TRIM9: variants seen among roughly 807,000 people sequenced by gnomAD.
The protein encoded by TRIM9 is tripartite motif containing 9.
Under a neutral mutation model 78.3 loss-of-function variants are expected in TRIM9, and 26 were observed. The ratio of observed to expected loss-of-function variants is 0.33; its 90% CI spans 0.24 to 0.46. The LOEUF (loss-of-function observed/expected upper bound fraction) is 0.46, where lower values mean the gene tolerates loss of function less well. TRIM9 is among the 20% of genes least tolerant of loss of function. The pLI is 1.00. For synonymous variants in TRIM9, 398 were observed against 416.5 expected, an observed-to-expected ratio of 0.96 and a Z score of 0.54; for missense variants, 787 against 1,036.4, an observed-to-expected ratio of 0.76 and a Z score of 3.30.
intron 1 of TRIM9, among the ~76,000 whole-genome samples, chr14:51,086,324 T>C (rs1240151426): frequency 6.6e-6 from 1 of 151,350 alleles, no homozygotes; most frequent in Admixed American, 6.7e-5. Flanking sequence ...CAGGAAGATG[T>C]GTGGATTATG....
intron 1 of TRIM9, among the ~76,000 whole-genome samples, chr14:51,027,953 G>T (rs1476837923): frequency 6.6e-6 from 1 of 152,018 alleles, no homozygotes; most frequent in Non-Finnish European, 1.5e-5. Context: ...AAGTAAAATT[G>T]ATTTGGTTAC....
At chr14:51,067,828 C>T (rs974054258) in intron 1 of TRIM9, among the ~76,000 whole-genome samples, 3 of 151,536 alleles carry the variant, frequency 2.0e-5, no homozygotes, top group African/African-American at 7.3e-5. Flanking sequence ...TACTTTTCCT[C>T]ACAGCACCAG....
intron 1 of TRIM9, among the ~76,000 whole-genome samples, chr14:51,044,940 T>A (rs1264975736): frequency 6.6e-6 from 1 of 152,216 alleles, no homozygotes; most frequent in East Asian, 1.9e-4. Flanking sequence ...AACATCAGCC[T>A]AATATTATAG....
chr14:50,975,362 C>T lies in TRIM9; in HGVS notation c.*1929G>A, dbSNP rs565098441. ...TGTAATTGCAATTCAGTGTAAACTA[C>T]ATGTTACAAGTCACTAGAAATCTAA... On this transcript the variant is annotated 3_prime_UTR_variant, in exon 13 of 13. Transcript: ENST00000684578. 6.5e-6 allele frequency: 1 copy of T among 152,744 alleles called. No individual in the cohort carries two copies. The highest frequency in any genetic ancestry group is 1.5e-5 in the Non-Finnish European group (1 of 68,030). 9.5% of individuals were successfully genotyped at this position (152,744 alleles called of 1,614,324 possible). A position where few individuals can be genotyped will look rare whatever the true frequency, so the allele number is the denominator to read the frequency against.
chr14:51,018,285 G>T (rs765899325), intron 3 of TRIM9, among the ~76,000 whole-genome samples: 10 of 150,680 alleles, frequency 6.6e-5, no homozygotes, highest in Admixed American at 5.3e-4. Flanking sequence ...CTGCCTGCCT[G>T]CCTTCCTTCC....
chr14:51,087,940 A>G (rs1306663266), intron 1 of TRIM9, among the ~76,000 whole-genome samples: 1 of 152,242 alleles, frequency 6.6e-6, no homozygotes, highest in Non-Finnish European at 1.5e-5. Context: ...AAATTATATT[A>G]CATTAATATT....
intron 1 of TRIM9, among the ~76,000 whole-genome samples, chr14:51,056,769 C>CA (rs1385716054): frequency 6.6e-6 from 1 of 152,218 alleles, no homozygotes; most frequent in Non-Finnish European, 1.5e-5. Flanking sequence ...TTCTGTCTGA[C>CA]AGTTTTTCTT....
At chr14:50,984,937 A>G (rs954236189) in intron 8 of TRIM9, among the ~76,000 whole-genome samples, 6 of 152,202 alleles carry the variant, frequency 3.9e-5, no homozygotes, top group Admixed American at 6.5e-5. Flanking sequence ...ACAAAGAAGA[A>G]TGTCATTTTA....
At chr14:51,037,599 A>G (rs1017626750) in intron 1 of TRIM9, among the ~76,000 whole-genome samples, 14 of 152,006 alleles carry the variant, frequency 9.2e-5, no homozygotes, top group African/African-American at 3.4e-4. Flanking sequence ...CAATAATTTC[A>G]GGGTGTCTTT....
At chr14:51,051,441 A>T (rs1566617240) in intron 1 of TRIM9, among the ~76,000 whole-genome samples, 1 of 152,192 alleles carries the variant, frequency 6.6e-6, no homozygotes, top group Non-Finnish European at 1.5e-5. Flanking sequence ...CTGTGGAAAA[A>T]GGGTGGAAGA....
chr14:51,082,613 G>A (rs953686416), intron 1 of TRIM9, among the ~76,000 whole-genome samples: 1 of 152,120 alleles, frequency 6.6e-6, no homozygotes, highest in Non-Finnish European at 1.5e-5. Context: ...GAGTTGTGGG[G>A]TTTTAGTGGT....
chr14:50,998,117 C>G lies in TRIM9; in HGVS notation c.1536G>C (p.Arg512=). 1 of 1,614,186 alleles carries G rather than the reference C, an allele frequency of 6.2e-7. No homozygotes were observed. The highest frequency in any genetic ancestry group is 8.5e-7 in the Non-Finnish European group (1 of 1,180,030). ...CTCCTGTTTTGTTGAAGGCCTTGACCCGAGCGTTGTATGTGCTGTTGAAGT... is the reference window on the plus strand; with the variant it reads ...CTCCTGTTTTGTTGAAGGCCTTGACGCGAGCGTTGTATGTGCTGTTGAAGT... ...GLHFNSTYNA[R]VKAFNKTGVS... Residue 512 remains arginine, a synonymous_variant, in exon 7 of 13, where the codon CGG becomes CGC. Transcript: ENST00000684578.
intron 1 of TRIM9, among the ~76,000 whole-genome samples, chr14:51,067,984 T>C (rs539355972): frequency 5.0e-4 from 76 of 152,358 alleles, no homozygotes; most frequent in Non-Finnish European, 8.1e-4. Flanking sequence ...AGGCATTCAA[T>C]TGACACTTGC....
intron 1 of TRIM9, among the ~76,000 whole-genome samples, chr14:51,059,232 A>G (rs781474470): frequency 6.6e-6 from 1 of 152,232 alleles, no homozygotes; most frequent in Non-Finnish European, 1.5e-5. Flanking sequence ...CAGCACTTCA[A>G]TAACTTTCCC....
chr14:51,009,370 T>C, intron 4 of TRIM9, 137 bp from the exon 5 acceptor site: 2 of 1,018,716 alleles, frequency 2.0e-6, no homozygotes, highest in Non-Finnish European at 2.8e-6. Context: ...GTGCTGTTGG[T>C]GAGGAACACC....
At chr14:51,091,757 A>G (rs2064351765) in intron 1 of TRIM9, among the ~76,000 whole-genome samples, 1 of 152,164 alleles carries the variant, frequency 6.6e-6, no homozygotes, top group African/African-American at 2.4e-5. Flanking sequence ...AATGTGCAAA[A>G]GATCAGAGAA....
intron 10 of TRIM9, chr14:50,982,360 G>A (rs2052057724): frequency 3.8e-6 from 2 of 532,840 alleles, no homozygotes; most frequent in Non-Finnish European, 6.8e-6. Flanking sequence ...TGATCCGGGA[G>A]TGAAGTGGCA....
chr14:51,065,911 T>C (rs1294332304), intron 1 of TRIM9, among the ~76,000 whole-genome samples: 1 of 152,038 alleles, frequency 6.6e-6, no homozygotes, highest in Non-Finnish European at 1.5e-5. Context: ...TTTGTTAAAG[T>C]GAAGGGTAAA....
chr14:51,027,553 G>C (rs142755029), intron 1 of TRIM9, among the ~76,000 whole-genome samples: 1 of 151,552 alleles, frequency 6.6e-6, no homozygotes, highest in African/African-American at 2.4e-5. Context: ...GAACATTTTC[G>C]ATCACCTGTA....
Sources: gnomAD v4.1 joint callset for allele counts (sites outside exome capture counted in the v4.1 genomes callset) on GRCh38, gnomAD v4.1.1 for gene constraint, MANE v1.5 for transcripts, NCBI Gene and HGNC (gene_info 2026-07-23, HGNC 2026-07-21) for gene names.